The following CSMD3 variants were observed in gnomAD, a reference collection of about 807,000 sequenced individuals.
CSMD3 encodes the protein CUB and Sushi multiple domains 3.
Under a neutral mutation model 435.2 loss-of-function variants are expected in CSMD3, and 177 were observed. The observed-to-expected ratio is 0.41, with a 90% CI of 0.36 to 0.46. The LOEUF (loss-of-function observed/expected upper bound fraction) is 0.46, where lower values mean the gene tolerates loss of function less well. Ranked by LOEUF, CSMD3 falls within the 20% of genes least tolerant of loss-of-function variation. The pLI is 0.34. For synonymous variants in CSMD3, 1,656 were observed against 1,520.5 expected, an observed-to-expected ratio of 1.09 and a Z score of -2.07; for missense variants, 4,265 against 4,504.6, an observed-to-expected ratio of 0.95 and a Z score of 1.52.
intron 32 of CSMD3, among the ~76,000 whole-genome samples, chr8:112,456,893 A>C (rs2130644918): frequency 1.3e-5 from 2 of 152,270 alleles, no homozygotes; most frequent in South Asian, 4.1e-4. Context: ...GAAACCCAAA[A>C]GAGCTATTAA....
intron 31 of CSMD3, among the ~76,000 whole-genome samples, chr8:112,478,476 C>T (rs1242959327): frequency 2.0e-5 from 3 of 152,172 alleles, no homozygotes; most frequent in African/African-American, 7.2e-5. Context: ...GAGCAAAGGT[C>T]ACCTGTATTA....
intron 31 of CSMD3, among the ~76,000 whole-genome samples, chr8:112,491,390 C>A (rs1306620802): frequency 6.6e-6 from 1 of 152,032 alleles, no homozygotes; most frequent in African/African-American, 2.4e-5. Context: ...TGCAGTGGCT[C>A]ACTCCTGTAA....
intron 1 of CSMD3, among the ~76,000 whole-genome samples, chr8:113,417,374 T>C (rs2129891098): frequency 6.6e-6 from 1 of 152,092 alleles, no homozygotes; most frequent in Non-Finnish European, 1.5e-5. Flanking sequence ...TTAAATATAA[T>C]ACAATAGAGA....
At chr8:112,824,096 T>TA (rs2079606839) in intron 12 of CSMD3, among the ~76,000 whole-genome samples, 1 of 152,132 alleles carries the variant, frequency 6.6e-6, no homozygotes, top group Non-Finnish European at 1.5e-5. Context: ...TGTCTTTTTT[T>TA]ATCTTTGTTG....
intron 68 of CSMD3, among the ~76,000 whole-genome samples, chr8:112,232,089 A>G (rs1027801011): frequency 6.6e-6 from 1 of 152,150 alleles, no homozygotes; most frequent in African/African-American, 2.4e-5. Flanking sequence ...TGGGATTGAC[A>G]ATAGTTAAGT....
chr8:113,145,392 T>C (rs987184865), intron 4 of CSMD3, among the ~76,000 whole-genome samples: 5 of 151,612 alleles, frequency 3.3e-5, no homozygotes, highest in African/African-American at 9.7e-5. Context: ...AAACACAGTA[T>C]CCTATTGTTA....
intron 63 of CSMD3, 65 bp from the exon 64 acceptor site, chr8:112,247,196 G>A: frequency 1.1e-6 from 1 of 943,024 alleles, no homozygotes; most frequent in Non-Finnish European, 1.7e-6. Context: ...AACAAACAGA[G>A]CTTGAGTGAG....
chr8:113,153,105 G>GAAAGAAAGAA (rs1554791176), intron 4 of CSMD3, among the ~76,000 whole-genome samples: 5 of 98,482 alleles, frequency 5.1e-5, no homozygotes, highest in African/African-American at 2.6e-4. Context: ...AGAAAGAAAA[G>GAAAGAAAGAA]AAAGAAAGAA....
rs182762100 is a variant in CSMD3, at chr8:113,071,077, G to A, written c.917+27679C>T. 1.0e-3 allele frequency among the ~76,000 whole-genome samples: 154 copies of A among 151,914 alleles called. 1 individual carries two copies. Among genetic ancestry groups the A allele is most frequent in the Non-Finnish European group, 1.8e-3 (120 of 67,904 alleles). On this transcript the variant is annotated intron_variant, in intron 5 of 70. Coordinates refer to ENST00000297405, the MANE Select transcript of CSMD3 (RefSeq NM_198123.2). ...CATTTCCCTGGTGAGTAGTGATGTC[G>A]AGTGCCTTTTCCTAAACTTCTTGAT...
At chr8:112,980,787 C>A (rs75587122) in intron 6 of CSMD3, among the ~76,000 whole-genome samples, 2 of 151,200 alleles carry the variant, frequency 1.3e-5, no homozygotes, top group African/African-American at 4.8e-5. Context: ...ATGCTAGTTG[C>A]GAAAATAATT....
intron 35 of CSMD3, among the ~76,000 whole-genome samples, chr8:112,404,334 C>T (rs1357065429): frequency 1.3e-5 from 2 of 151,946 alleles, no homozygotes; most frequent in Non-Finnish European, 2.9e-5. Context: ...TCAAGACCAG[C>T]CTGACCAACA....
intron 41 of CSMD3, among the ~76,000 whole-genome samples, chr8:112,344,623 C>T (rs953454820): frequency 2.6e-5 from 4 of 152,050 alleles, no homozygotes; most frequent in African/African-American, 7.2e-5. Flanking sequence ...ATCTATTCAT[C>T]CTAGTCTTCT....
chr8:112,817,789 C>G (rs964549471), intron 12 of CSMD3, among the ~76,000 whole-genome samples: 2 of 151,906 alleles, frequency 1.3e-5, no homozygotes, highest in African/African-American at 4.8e-5. Context: ...AAATTTTCAT[C>G]ATTTTAGAAA....
At chr8:112,513,747 T>A (rs529484100) in intron 28 of CSMD3, among the ~76,000 whole-genome samples, 4 of 152,186 alleles carry the variant, frequency 2.6e-5, no homozygotes, top group Non-Finnish European at 5.9e-5. Flanking sequence ...AAATGAGGTA[T>A]GCTTATATGT....
chr8:112,784,994 A>T (rs545421478), intron 13 of CSMD3, among the ~76,000 whole-genome samples: 1 of 152,196 alleles, frequency 6.6e-6, no homozygotes, highest in East Asian at 1.9e-4. Context: ...TTTGATGAAC[A>T]TTGATGTAAA....
Position 113,201,075 on chromosome 8 carries a change from A to G in CSMD3, c.515-27159T>C, listed in dbSNP as rs544749260. Among the ~76,000 whole-genome samples the G allele has an allele frequency of 7.2e-5, 11 of 152,064 alleles. No individual in the cohort carries two copies. In the South Asian group the frequency reaches 1.9e-3, roughly 26 times the overall value. On this transcript the variant is annotated intron_variant, in intron 3 of 70. Coordinates refer to ENST00000297405, the MANE Select transcript of CSMD3 (RefSeq NM_198123.2). ...CCTTTGTAGAGACAACTTCATGTGA[A>G]AGATCTCCTTGTATTATTTTAAACT...
intron 7 of CSMD3, among the ~76,000 whole-genome samples, chr8:112,968,516 G>T (rs1587787653): frequency 1.3e-5 from 2 of 150,546 alleles, no homozygotes; most frequent in African/African-American, 2.4e-5. Context: ...AAACTGCTTT[G>T]CACTGTCTTA....
At chr8:112,317,397 G>C (rs191255847) in intron 47 of CSMD3, among the ~76,000 whole-genome samples, 1 of 152,016 alleles carries the variant, frequency 6.6e-6, no homozygotes, top group Admixed American at 6.6e-5. Context: ...TTTTATTGGA[G>C]TCAAGACAGA....
chr8:112,823,596 A>C (rs1463451623), intron 12 of CSMD3, among the ~76,000 whole-genome samples: 2 of 152,132 alleles, frequency 1.3e-5, no homozygotes, highest in Admixed American at 6.5e-5. Context: ...GTCATTCAGG[A>C]GCAGGTTGTT....
Sources: gnomAD v4.1 joint callset for allele counts (sites outside exome capture counted in the v4.1 genomes callset) on GRCh38, gnomAD v4.1.1 for gene constraint, MANE v1.5 for transcripts, NCBI Gene and HGNC (gene_info 2026-07-23, HGNC 2026-07-21) for gene names.